The following COL6A6 variants were observed in gnomAD, a reference collection of about 807,000 sequenced individuals.
COL6A6 encodes collagen alpha-6(VI) chain.
COL6A6 carries 183 observed loss-of-function variants against 208.6 expected under a neutral mutation model. That is an observed-to-expected ratio of 0.88 (90% CI 0.78 to 0.99). The LOEUF (loss-of-function observed/expected upper bound fraction) is 0.99, where lower values mean the gene tolerates loss of function less well. COL6A6 is among the 50% of genes least tolerant of loss of function. COL6A6 has a pLI of 0.00. For missense variants in COL6A6, 2,816 were observed against 2,815.2 expected (o/e 1.00, Z -0.01); for synonymous variants, 973 against 1,011.8 (o/e 0.96, Z 0.73).
At chr3:130,556,435 A>G (rs1314196103) in intron 1 of COL6A6, among the ~76,000 whole-genome samples, 3 of 152,136 alleles carry the variant, frequency 2.0e-5, no homozygotes, top group Non-Finnish European at 2.9e-5. Flanking sequence ...TGTTTCTTGA[A>G]AGGTTGGTGG....
chr3:130,542,234 G>A (rs1260023157), intron 1 of COL6A6, among the ~76,000 whole-genome samples: 1 of 149,348 alleles, frequency 6.7e-6, no homozygotes, highest in Non-Finnish European at 1.5e-5. Context: ...GATAAGCTGT[G>A]CTTCTATTTT....
intron 17 of COL6A6, among the ~76,000 whole-genome samples, chr3:130,593,731 A>T (rs1420557115): frequency 6.6e-6 from 1 of 152,212 alleles, no homozygotes; most frequent in Non-Finnish European, 1.5e-5. Context: ...ATGGCAAAGG[A>T]CACAGGAATA....
Position 130,571,134 on chromosome 3 carries a change from C to T in COL6A6, c.2718C>T (p.Arg906=). Residue 906 remains arginine (R), a synonymous_variant, in exon 7 of 37, where the codon CGC becomes CGT. Coordinates refer to ENST00000358511, the MANE Select transcript of COL6A6 (RefSeq NM_001102608.3). ...DHMFTEARGS[R]LNKGVPQVLI... Reference sequence around the variant, plus strand: ...TGTTCACTGAAGCCCGGGGCAGCCGCCTGAACAAGGGGGTCCCCCAAGTCC... The same window carrying T: ...TGTTCACTGAAGCCCGGGGCAGCCGTCTGAACAAGGGGGTCCCCCAAGTCC... 2 of 1,613,866 alleles carry T rather than the reference C, an allele frequency of 1.2e-6. No individual in the cohort carries two copies. The highest frequency in any genetic ancestry group is 1.7e-6 in the Non-Finnish European group (2 of 1,179,798).
intron 28 of COL6A6, among the ~76,000 whole-genome samples, chr3:130,638,413 G>C (rs57606627): frequency 0.41 from 61,638 of 151,864 alleles, 16,272 homozygotes; most frequent in African/African-American, 0.74. Context: ...TAATCCCAAC[G>C]CAGAGCCTTC....
At chr3:130,665,490 C>A (rs541098783) in intron 36 of COL6A6, among the ~76,000 whole-genome samples, 19 of 152,136 alleles carry the variant, frequency 1.2e-4, no homozygotes, top group African/African-American at 4.6e-4. Context: ...CTTGTTATGC[C>A]AGAAAGCAAG....
intron 1 of COL6A6, among the ~76,000 whole-genome samples, chr3:130,521,686 G>T (rs904350547): frequency 6.6e-6 from 1 of 152,158 alleles, no homozygotes; most frequent in Non-Finnish European, 1.5e-5. Context: ...CTGTCTGAGG[G>T]CTTTATCAGG....
intron 1 of COL6A6, among the ~76,000 whole-genome samples, chr3:130,522,183 T>G (rs1249736264): frequency 6.6e-6 from 1 of 152,198 alleles, no homozygotes; most frequent in East Asian, 1.9e-4. Flanking sequence ...CTTTCCACAG[T>G]GCAGAACAGA....
intron 1 of COL6A6, among the ~76,000 whole-genome samples, chr3:130,540,832 T>A (rs546918669): frequency 2.0e-5 from 3 of 152,330 alleles, no homozygotes; most frequent in Admixed American, 2.0e-4. Context: ...GTAAAGGATA[T>A]AATCTCATTT....
At chr3:130,662,721 A>AT (rs1190513092) in intron 35 of COL6A6, among the ~76,000 whole-genome samples, 1 of 152,170 alleles carries the variant, frequency 6.6e-6, no homozygotes, top group Non-Finnish European at 1.5e-5. Context: ...GCCAAAGAAA[A>AT]ATTAAACAGT....
chr3:130,543,838 CTAAGT>C lies in COL6A6; in HGVS notation c.-31-16494_-31-16490del, dbSNP rs144851266. 6.1e-3 allele frequency among the ~76,000 whole-genome samples: 931 copies of C among 152,062 alleles called. 7 individuals are homozygous for C. Among genetic ancestry groups the C allele is most frequent in the African/African-American group, 0.022 (902 of 41,428 alleles). ...GTTTCTGACATACATAATTTTTCTT[CTAAGT>C]TTATTTTAATATTTCTTGCAAAGAA... On this transcript the variant is annotated intron_variant, in intron 1 of 36. Coordinates refer to ENST00000358511, the MANE Select transcript of COL6A6 (RefSeq NM_001102608.3).
At chr3:130,557,981 T>C (rs2062803854) in intron 1 of COL6A6, among the ~76,000 whole-genome samples, 1 of 152,342 alleles carries the variant, frequency 6.6e-6, no homozygotes, top group East Asian at 1.9e-4. Context: ...CAGAATGAAT[T>C]GAATGCAAAA....
chr3:130,634,238 T>TAAAAAAAAAAAA (rs1553713527), intron 26 of COL6A6, among the ~76,000 whole-genome samples: 1 of 16,208 alleles, frequency 6.2e-5, no homozygotes, highest in Non-Finnish European at 9.2e-5. Flanking sequence ...AATAAATAAA[T>TAAAAAAAAAAAA]AAATAAAAAA....
intron 19 of COL6A6, among the ~76,000 whole-genome samples, 166 bp downstream of exon 19, chr3:130,598,596 A>G (rs1332101278): frequency 6.6e-6 from 1 of 152,072 alleles, no homozygotes; most frequent in Non-Finnish European, 1.5e-5. Flanking sequence ...CCTATGTACT[A>G]CTCTGGGATT....
intron 1 of COL6A6, among the ~76,000 whole-genome samples, chr3:130,538,865 A>C (rs1044581180): frequency 6.6e-5 from 10 of 152,204 alleles, no homozygotes; most frequent in African/African-American, 2.4e-4. Flanking sequence ...ATTTCATGCT[A>C]TCCTACAATC....
rs1478376287 is a variant in COL6A6 at position 130,565,109 on chromosome 3, T to C, written c.777T>C (p.Leu259=). Residue 259 remains leucine, a synonymous_variant, in exon 4 of 37, where the codon CTT becomes CTC. Coordinates refer to ENST00000358511, the MANE Select transcript of COL6A6 (RefSeq NM_001102608.3). ...KGFLEESVSA[L]DIKENCMRVG... ...TCTTGGAAGAAAGTGTATCTGCCCT[T>C]GACATAAAGGAAAATTGCATGAGGG... 1 of 1,613,914 alleles carries C rather than the reference T, an allele frequency of 6.2e-7. No individual in the cohort carries two copies. Among genetic ancestry groups the C allele is most frequent in the Non-Finnish European group, 8.5e-7 (1 of 1,179,898 alleles).
At position 130,565,337 on chromosome 3, in the gene COL6A6, T is replaced by G. The variant is rs1396131371; in HGVS notation, c.1005T>G (p.Ile335Met). ...GGAAGAATCAGGGGGTGCCCCAGAT[T>G]GCCGTGCTGGTGACCCACCGAGATT... Reference protein sequence around the residue: ...GSRKNQGVPQIAVLVTHRDSE... With the variant: ...GSRKNQGVPQMAVLVTHRDSE... The change falls in exon 4 of 37, where the codon ATT (isoleucine) becomes ATG (methionine). Residue 335 changes from isoleucine to methionine, a missense_variant. Ile to Met is a conservative substitution (Grantham distance 10). Coordinates refer to ENST00000358511, the MANE Select transcript of COL6A6 (RefSeq NM_001102608.3). 1 of 1,613,646 alleles carries G rather than the reference T, an allele frequency of 6.2e-7. No individual in the cohort carries two copies. Among genetic ancestry groups the G allele is most frequent in the Admixed American group, 1.7e-5 (1 of 59,976 alleles).
intron 23 of COL6A6, among the ~76,000 whole-genome samples, chr3:130,621,062 C>A (rs1048312804): frequency 2.0e-5 from 3 of 152,136 alleles, no homozygotes; most frequent in Non-Finnish European, 4.4e-5. Flanking sequence ...ATGAAACATG[C>A]CTTCTAGAAT....
chr3:130,529,287 TAA>T (rs563804664), intron 1 of COL6A6, among the ~76,000 whole-genome samples: 5,942 of 98,392 alleles, frequency 0.06, 414 homozygotes, highest in African/African-American at 0.17. Flanking sequence ...GCAGGAAATG[TAA>T]AAAAAAAAAA....
At chr3:130,586,955 T>C (rs1195021074) in intron 11 of COL6A6, among the ~76,000 whole-genome samples, 1 of 152,088 alleles carries the variant, frequency 6.6e-6, no homozygotes, top group Non-Finnish European at 1.5e-5. Flanking sequence ...CCAAAGAACA[T>C]AAGTGACAAA....
Sources: allele counts gnomAD v4.1 joint callset (sites outside exome capture counted in the v4.1 genomes callset), GRCh38; gene constraint gnomAD v4.1.1; transcripts MANE v1.5; gene names NCBI Gene and HGNC (gene_info 2026-07-23, HGNC 2026-07-21).